The following AGBL4 variants were observed in gnomAD, a reference collection of about 807,000 sequenced individuals.
AGBL4 encodes the protein AGBL carboxypeptidase 4.
AGBL4 carries 58 observed loss-of-function variants against 66.4 expected under a neutral mutation model. That is an observed-to-expected ratio of 0.87 (90% CI 0.71 to 1.09). The LOEUF (loss-of-function observed/expected upper bound fraction) is 1.09, where lower values mean the gene tolerates loss of function less well. AGBL4 is among the 50% of genes least tolerant of loss of function. The pLI is 0.00. For synonymous variants in AGBL4, 234 were observed against 222.9 expected (o/e 1.05, Z -0.44); for missense variants, 579 against 631.0 (o/e 0.92, Z 0.88).
At chr1:49,402,452 T>C (rs569027667) in intron 3 of AGBL4, among the ~76,000 whole-genome samples, 169 of 152,336 alleles carry the variant, frequency 1.1e-3, no homozygotes, top group African/African-American at 3.8e-3. Flanking sequence ...TTCAGGAGCA[T>C]ATTGTTTAAT....
chr1:48,963,808 T>C (rs1442098985), intron 5 of AGBL4, among the ~76,000 whole-genome samples: 2 of 152,180 alleles, frequency 1.3e-5, no homozygotes, highest in Non-Finnish European at 2.9e-5. Context: ...TAGTAATGAC[T>C]ATTGTTGATA....
chr1:48,739,885 A>G (rs528144611), intron 6 of AGBL4, among the ~76,000 whole-genome samples: 1 of 152,306 alleles, frequency 6.6e-6, no homozygotes, highest in South Asian at 2.1e-4. Context: ...ATTACTGCAG[A>G]GCTAAGTTCT....
chr1:48,643,851 C>G (rs1243636002), intron 8 of AGBL4, among the ~76,000 whole-genome samples: 1 of 152,160 alleles, frequency 6.6e-6, no homozygotes, highest in East Asian at 1.9e-4. Context: ...AGGGTCTATT[C>G]TGGTCTTCTC....
chr1:48,728,008 C>T (rs374826172), intron 6 of AGBL4: 55 of 1,611,748 alleles, frequency 3.4e-5, no homozygotes, highest in Non-Finnish European at 4.2e-5. Flanking sequence ...TCAGTTTCAT[C>T]CACAGTTTCT....
At chr1:49,280,242 C>T (rs1485355448) in intron 3 of AGBL4, among the ~76,000 whole-genome samples, 2 of 152,104 alleles carry the variant, frequency 1.3e-5, no homozygotes, top group Non-Finnish European at 2.9e-5. Context: ...CCACTTACCG[C>T]AAACTACTTT....
intron 3 of AGBL4, among the ~76,000 whole-genome samples, chr1:49,546,318 T>G (rs968644896): frequency 4.0e-5 from 6 of 150,684 alleles, no homozygotes; most frequent in Admixed American, 6.7e-5. Flanking sequence ...TATATGTATA[T>G]TCCATCATAT....
intron 3 of AGBL4, among the ~76,000 whole-genome samples, chr1:49,299,736 T>C (rs1231810982): frequency 1.3e-5 from 2 of 152,194 alleles, no homozygotes; most frequent in African/African-American, 4.8e-5. Context: ...GAATAAACAT[T>C]CCATTTCTCA....
chr1:49,224,483 G>A (rs542350255), intron 4 of AGBL4, among the ~76,000 whole-genome samples: 10 of 151,964 alleles, frequency 6.6e-5, no homozygotes, highest in African/African-American at 2.4e-4. Flanking sequence ...CGGGCATGGT[G>A]GTGGGCCCCT....
chr1:49,271,514 T>C (rs1644056817), intron 3 of AGBL4, among the ~76,000 whole-genome samples: 1 of 113,922 alleles, frequency 8.8e-6, no homozygotes, highest in South Asian at 2.7e-4. Context: ...AATTAAAAGA[T>C]AGCACACACA....
intron 1 of AGBL4, among the ~76,000 whole-genome samples, chr1:49,953,339 GTTAGGTACACTTCTTTGA>G (rs1167924114): frequency 6.6e-6 from 1 of 151,822 alleles, no homozygotes; most frequent in Non-Finnish European, 1.5e-5. Context: ...TCACTATCTG[GTTAGGTACACTTCTTTGA>G]TTAAATGGGA....
chr1:48,793,893 A>G (rs1645609674), intron 6 of AGBL4, among the ~76,000 whole-genome samples: 1 of 152,142 alleles, frequency 6.6e-6, no homozygotes, highest in South Asian at 2.1e-4. Context: ...GGCCAGGCAC[A>G]TCGACCCTGG....
At chr1:49,729,972 T>C (rs912638794) in intron 2 of AGBL4, among the ~76,000 whole-genome samples, 4 of 151,906 alleles carry the variant, frequency 2.6e-5, no homozygotes, top group African/African-American at 9.7e-5. Context: ...AGAACTTCTA[T>C]TTCTGTTTCC....
At chr1:48,988,124 T>C (rs1395790216) in intron 5 of AGBL4, among the ~76,000 whole-genome samples, 1 of 152,138 alleles carries the variant, frequency 6.6e-6, no homozygotes, top group African/African-American at 2.4e-5. Context: ...ATCCATCTTC[T>C]GAATGCTATA....
chr1:48,539,837 C>T (rs1217860552), intron 11 of AGBL4, 99 bp from the exon 12 acceptor site: 1 of 767,950 alleles, frequency 1.3e-6, no homozygotes, highest in Non-Finnish European at 1.9e-6. Context: ...AAAACAGTTA[C>T]ACACTCATTG....
At chr1:48,919,959 G>A (rs181861599) in intron 5 of AGBL4, among the ~76,000 whole-genome samples, 62 of 152,312 alleles carry the variant, frequency 4.1e-4, no homozygotes, top group African/African-American at 1.3e-3. Flanking sequence ...CTCAGTATAT[G>A]TAATCCATGC....
intron 3 of AGBL4, among the ~76,000 whole-genome samples, chr1:49,302,168 T>C (rs1381262797): frequency 2.0e-5 from 3 of 152,120 alleles, no homozygotes; most frequent in Admixed American, 1.3e-4. Context: ...ACTACAATTA[T>C]TGTCACATTT....
At chr1:50,020,135 G>A (rs1311476491) in intron 1 of AGBL4, among the ~76,000 whole-genome samples, 1 of 151,962 alleles carries the variant, frequency 6.6e-6, no homozygotes, top group Non-Finnish European at 1.5e-5. Context: ...CCGGTCCCAT[G>A]ATACACAGTT....
chr1:49,137,958 A>G (rs1646044821), intron 4 of AGBL4, among the ~76,000 whole-genome samples: 1 of 152,162 alleles, frequency 6.6e-6, no homozygotes, highest in Admixed American at 6.6e-5. Context: ...ATTTGAGCAG[A>G]AGCTTAAACA....
intron 2 of AGBL4, among the ~76,000 whole-genome samples, chr1:49,819,797 C>T (rs1645321910): frequency 6.6e-6 from 1 of 152,188 alleles, no homozygotes; most frequent in South Asian, 2.1e-4. Context: ...TTGCCCCCAA[C>T]ACTTCTTTTC....
Sources: gnomAD v4.1 joint callset for allele counts (sites outside exome capture counted in the v4.1 genomes callset) on GRCh38, gnomAD v4.1.1 for gene constraint, MANE v1.5 for transcripts, NCBI Gene and HGNC (gene_info 2026-07-23, HGNC 2026-07-21) for gene names.